Variants in PPP3CA observed in about 807,000 individuals in gnomAD.
PPP3CA encodes protein phosphatase 3 catalytic subunit alpha, also known as CAM-PRP catalytic subunit.
In PPP3CA, 14 loss-of-function variants were observed where a neutral mutation model predicts 66.5. That is an observed-to-expected ratio of 0.21 (90% CI 0.14 to 0.33). The LOEUF (loss-of-function observed/expected upper bound fraction) is 0.33. Ranked by LOEUF, PPP3CA falls within the 10% of genes least tolerant of loss-of-function variation. The pLI, the probability that PPP3CA is intolerant of heterozygous loss-of-function variation, is 1.00. For synonymous variants in PPP3CA, 232 were observed against 226.2 expected (o/e 1.03, Z -0.23); for missense variants, 317 against 639.5 (o/e 0.50, Z 5.44).
intron 2 of PPP3CA, among the ~76,000 whole-genome samples, chr4:101,160,470 T>C (rs531934326): frequency 3.9e-5 from 6 of 152,274 alleles, no homozygotes; most frequent in Admixed American, 3.3e-4. Flanking sequence ...TATGCATTAA[T>C]AAAATGTGTG....
At chr4:101,317,527 C>T (rs1728919232) in intron 1 of PPP3CA, among the ~76,000 whole-genome samples, 1 of 152,010 alleles carries the variant, frequency 6.6e-6, no homozygotes, top group South Asian at 2.1e-4. Flanking sequence ...TTTAAATTTA[C>T]ACAGATTTCC....
intron 2 of PPP3CA, among the ~76,000 whole-genome samples, chr4:101,113,413 G>A (rs374514055): frequency 6.5e-4 from 99 of 152,190 alleles, no homozygotes; most frequent in African/African-American, 2.2e-3. Context: ...ATGTGTGGAG[G>A]AGATGAACAC....
At chr4:101,226,165 G>A (rs1725776352) in intron 1 of PPP3CA, among the ~76,000 whole-genome samples, 1 of 151,664 alleles carries the variant, frequency 6.6e-6, no homozygotes, top group Middle Eastern at 3.2e-3. Context: ...CCTCTGCCAA[G>A]ACCTAAATCT....
At chr4:101,031,013 C>T (rs888468813) in intron 12 of PPP3CA, among the ~76,000 whole-genome samples, 15 of 150,772 alleles carry the variant, frequency 9.9e-5, no homozygotes, top group Non-Finnish European at 5.9e-5. Context: ...TTAAAGGGGA[C>T]GTTTACTTCT....
intron 1 of PPP3CA, among the ~76,000 whole-genome samples, chr4:101,324,355 C>T (rs1025522124): frequency 6.6e-6 from 1 of 152,122 alleles, no homozygotes; most frequent in African/African-American, 2.4e-5. Flanking sequence ...CCACCATATG[C>T]AACTAAAGGT....
chr4:101,335,040 G>C (rs1390586837), intron 1 of PPP3CA, among the ~76,000 whole-genome samples: 1 of 152,060 alleles, frequency 6.6e-6, no homozygotes, highest in Non-Finnish European at 1.5e-5. Flanking sequence ...AGTGAAAGTA[G>C]CATTTTAGGG....
At chr4:101,192,484 C>G (rs1724638526) in intron 2 of PPP3CA, among the ~76,000 whole-genome samples, 1 of 152,070 alleles carries the variant, frequency 6.6e-6, no homozygotes, top group African/African-American at 2.4e-5. Flanking sequence ...ATATTTAACC[C>G]TAACCTTCCA....
intron 3 of PPP3CA, among the ~76,000 whole-genome samples, chr4:101,100,186 A>G (rs1730379044): frequency 6.6e-6 from 1 of 152,136 alleles, no homozygotes; most frequent in Non-Finnish European, 1.5e-5. Context: ...TTTATATACC[A>G]AAGACACTGA....
intron 2 of PPP3CA, among the ~76,000 whole-genome samples, chr4:101,182,523 A>G (rs1724270657): frequency 6.6e-6 from 1 of 152,180 alleles, no homozygotes; most frequent in Non-Finnish European, 1.5e-5. Context: ...GATAGATCAA[A>G]TTACTCGGAT....
At chr4:101,341,893 A>G (rs1277267784) in intron 1 of PPP3CA, among the ~76,000 whole-genome samples, 2 of 152,178 alleles carry the variant, frequency 1.3e-5, no homozygotes, top group Non-Finnish European at 2.9e-5. Context: ...ATGGTAATTT[A>G]ACCATATTTG....
chr4:101,059,967 A>C (rs1192412832), intron 10 of PPP3CA, among the ~76,000 whole-genome samples: 1 of 152,168 alleles, frequency 6.6e-6, no homozygotes, highest in Non-Finnish European at 1.5e-5. Context: ...TATTTACGGA[A>C]AAATGACAAG....
chr4:101,029,032 T>A (rs931951708), intron 13 of PPP3CA, 134 bp downstream of exon 13: 6 of 690,032 alleles, frequency 8.7e-6, no homozygotes, highest in Admixed American at 2.6e-5. Flanking sequence ...AGCAAGAACA[T>A]TTTGGTTAAT....
chr4:101,289,551 C>T (rs1727952198), intron 1 of PPP3CA, among the ~76,000 whole-genome samples: 1 of 152,134 alleles, frequency 6.6e-6, no homozygotes, highest in South Asian at 2.1e-4. Flanking sequence ...TGAGCAACTT[C>T]ATGTAATAAA....
At chr4:101,326,070 A>T in intron 1 of PPP3CA, among the ~76,000 whole-genome samples, 1 of 152,124 alleles carries the variant, frequency 6.6e-6, no homozygotes, top group Admixed American at 6.5e-5. Flanking sequence ...GAGGAGGCAG[A>T]GGTTGCAGTG....
intron 1 of PPP3CA, among the ~76,000 whole-genome samples, chr4:101,234,616 C>T (rs575299875): frequency 3.3e-5 from 5 of 151,124 alleles, no homozygotes; most frequent in African/African-American, 1.2e-4. Flanking sequence ...TTATTAAATG[C>T]TTTAGGTTAA....
At chr4:101,293,467 T>C (rs1560702405) in intron 1 of PPP3CA, among the ~76,000 whole-genome samples, 1 of 152,204 alleles carries the variant, frequency 6.6e-6, no homozygotes, top group East Asian at 1.9e-4. Flanking sequence ...GGTCACTTTC[T>C]CTTTGATGTT....
chr4:101,147,958 T>C (rs557658103), intron 2 of PPP3CA, among the ~76,000 whole-genome samples: 2 of 152,308 alleles, frequency 1.3e-5, no homozygotes, highest in South Asian at 4.1e-4. Context: ...AAGATCCACG[T>C]CTCTGTCCAA....
chr4:101,170,436 T>C (rs2110314656), intron 2 of PPP3CA, among the ~76,000 whole-genome samples: 1 of 152,118 alleles, frequency 6.6e-6, no homozygotes, highest in East Asian at 1.9e-4. Context: ...ACAGAGAGCA[T>C]CAGTCAGAAT....
intron 6 of PPP3CA, among the ~76,000 whole-genome samples, chr4:101,087,376 T>C (rs189953686): frequency 1.2e-3 from 176 of 152,340 alleles, no homozygotes; most frequent in African/African-American, 3.9e-3. Flanking sequence ...AAAAATTAAT[T>C]TGATGACCTT....
Sources: gnomAD v4.1 joint callset for allele counts (sites outside exome capture counted in the v4.1 genomes callset) on GRCh38, gnomAD v4.1.1 for gene constraint, MANE v1.5 for transcripts, NCBI Gene and HGNC (gene_info 2026-07-23, HGNC 2026-07-21) for gene names.